The following XKR9 variants were observed in gnomAD, a reference collection of about 807,000 sequenced individuals.
The protein encoded by XKR9 is XK related 9, also known as XK-related protein 9.
XKR9 carries 32 observed loss-of-function variants against 32.0 expected under a neutral mutation model. The observed-to-expected ratio is 1.00, with a 90% confidence interval of 0.76 to 1.34. The LOEUF is 1.34. Among genes scored for constraint, XKR9 ranks in the 40% most tolerant of loss-of-function variants. The probability of loss-of-function intolerance (pLI) is 0.00; values close to 1 mark genes in which losing one functional copy is unlikely to be tolerated. For synonymous variants in XKR9, 168 were observed against 143.4 expected, an observed-to-expected ratio of 1.17 and a Z score of -1.22; for missense variants, 546 against 429.7, an observed-to-expected ratio of 1.27 and a Z score of -2.39.
downstream of XKR9, among the ~76,000 whole-genome samples, chr8:70,736,464 TATTTTA>T (rs1806865386): frequency 6.6e-6 from 1 of 152,226 alleles, no homozygotes. Flanking sequence ...AGAAGCTCTT[TATTTTA>T]ATTAGATCCC....
chr8:70,898,484 T>C, the XKR9 span, among the ~76,000 whole-genome samples: 1 of 152,180 alleles, frequency 6.6e-6, no homozygotes, highest in Middle Eastern at 3.2e-3. Context: ...TGTGGGGTTG[T>C]ATAGAGTTTT....
At chr8:70,947,028 C>T in the XKR9 span, among the ~76,000 whole-genome samples, 15 of 152,150 alleles carry the variant, frequency 9.9e-5, no homozygotes, top group East Asian at 2.9e-3. Context: ...GAAATCTAGG[C>T]ATAAGGCAGC....
chr8:70,688,278 T>C (rs1358941375), intron 3 of XKR9, among the ~76,000 whole-genome samples: 1 of 152,200 alleles, frequency 6.6e-6, no homozygotes, highest in Non-Finnish European at 1.5e-5. Flanking sequence ...CAGTTTTTGA[T>C]GTGACAAAAT....
chr8:70,754,217 G>C (rs139245070), intron 2 of XKR9, among the ~76,000 whole-genome samples: 2,911 of 148,070 alleles, frequency 0.02, 196 homozygotes, highest in Non-Finnish European at 0.032. Flanking sequence ...GGGATGTGAA[G>C]GATCTCTTCA....
chr8:71,024,318 A>G, the XKR9 span, among the ~76,000 whole-genome samples: 1 of 152,148 alleles, frequency 6.6e-6, no homozygotes, highest in Non-Finnish European at 1.5e-5. Flanking sequence ...ATGTTGTATC[A>G]CCCTTTTGCT....
the XKR9 span, among the ~76,000 whole-genome samples, chr8:70,927,669 C>T: frequency 1.3e-5 from 2 of 152,182 alleles, no homozygotes; most frequent in Non-Finnish European, 2.9e-5. Flanking sequence ...CTCACCAGTA[C>T]AGAACCCTCA....
At chr8:70,930,756 G>A in the XKR9 span, among the ~76,000 whole-genome samples, 5 of 152,136 alleles carry the variant, frequency 3.3e-5, no homozygotes, top group Non-Finnish European at 5.9e-5. Context: ...TGGTAATGGG[G>A]TATAAATCCT....
chr8:70,741,521 G>T (rs571014086), intron 2 of XKR9, among the ~76,000 whole-genome samples: 1 of 152,174 alleles, frequency 6.6e-6, no homozygotes, highest in African/African-American at 2.4e-5. Context: ...GGCTTAGTTC[G>T]TTGAGCATAA....
chr8:70,718,180 C>T (rs187127475), intron 4 of XKR9, among the ~76,000 whole-genome samples: 1 of 152,304 alleles, frequency 6.6e-6, no homozygotes, highest in Admixed American at 6.5e-5. Flanking sequence ...CCCACATTTT[C>T]CTATCTTCTT....
At chr8:70,810,219 A>C in the XKR9 span, among the ~76,000 whole-genome samples, 222 of 152,166 alleles carry the variant, frequency 1.5e-3, no homozygotes, top group African/African-American at 4.7e-3. Flanking sequence ...GAAATAAAAT[A>C]CTTTACAGAC....
the XKR9 span, among the ~76,000 whole-genome samples, chr8:70,945,433 G>T: frequency 2.0e-5 from 3 of 152,148 alleles, no homozygotes; most frequent in African/African-American, 7.2e-5. Flanking sequence ...TGAAAAAGGG[G>T]ATCATGGCAT....
the XKR9 span, among the ~76,000 whole-genome samples, chr8:70,826,150 TG>T: frequency 1.3e-5 from 2 of 152,096 alleles, no homozygotes; most frequent in Non-Finnish European, 2.9e-5. Flanking sequence ...GGCTATGTGT[TG>T]GGCCAAAGCA....
intron 3 of XKR9, among the ~76,000 whole-genome samples, chr8:70,684,196 TATTA>T (rs1819181587): frequency 6.6e-6 from 1 of 152,224 alleles, no homozygotes; most frequent in African/African-American, 2.4e-5. Context: ...TATTATCTTC[TATTA>T]ATTCTATATA....
At chr8:70,673,855 A>G (rs2132096768) in intron 1 of XKR9, among the ~76,000 whole-genome samples, 1 of 152,306 alleles carries the variant, frequency 6.6e-6, no homozygotes, top group East Asian at 1.9e-4. Context: ...ATCAGATCAA[A>G]TATTTTTCAC....
At chr8:70,847,635 G>A in the XKR9 span, among the ~76,000 whole-genome samples, 1 of 151,758 alleles carries the variant, frequency 6.6e-6, no homozygotes, top group South Asian at 2.1e-4. Flanking sequence ...AAATGACAAA[G>A]GAGACAAACA....
chr8:70,845,882 T>C, the XKR9 span, among the ~76,000 whole-genome samples: 1 of 152,174 alleles, frequency 6.6e-6, no homozygotes, highest in Admixed American at 6.5e-5. Flanking sequence ...AAAATCTATT[T>C]AATGAAACAA....
intron 3 of XKR9, among the ~76,000 whole-genome samples, chr8:70,705,499 A>G (rs1052399912): frequency 1.3e-5 from 2 of 152,152 alleles, no homozygotes; most frequent in Non-Finnish European, 2.9e-5. Flanking sequence ...GAGCAAACTG[A>G]AAATATATGG....
intron 2 of XKR9, among the ~76,000 whole-genome samples, chr8:70,761,500 G>T (rs897347608): frequency 6.6e-6 from 1 of 152,072 alleles, no homozygotes; most frequent in Non-Finnish European, 1.5e-5. Flanking sequence ...GTTCGCACGT[G>T]TCTTCTTTTG....
the XKR9 span, among the ~76,000 whole-genome samples, chr8:70,861,244 T>A: frequency 6.6e-6 from 1 of 152,174 alleles, no homozygotes; most frequent in Non-Finnish European, 1.5e-5. Context: ...TGAGTTTGGA[T>A]CCTGGGTTTC....
Sources: allele counts gnomAD v4.1 joint callset (sites outside exome capture counted in the v4.1 genomes callset), GRCh38; gene constraint gnomAD v4.1.1; transcripts MANE v1.5; gene names NCBI Gene and HGNC (gene_info 2026-07-23, HGNC 2026-07-21).